Variants in SRSF10 observed in about 807,000 individuals in gnomAD.
The protein encoded by SRSF10 is serine and arginine rich splicing factor 10, also known as serine/arginine-rich splicing factor 10.
Under a neutral mutation model 32.6 loss-of-function variants are expected in SRSF10, and 9 were observed. The ratio of observed to expected loss-of-function variants is 0.28; its 90% confidence interval spans 0.17 to 0.48. SRSF10 has a LOEUF of 0.48. Ranked by LOEUF, SRSF10 falls within the 20% of genes least tolerant of loss-of-function variation. The pLI is 0.99. For synonymous variants in SRSF10, 105 were observed against 112.4 expected (o/e 0.93, Z 0.42); for missense variants, 201 against 331.8 (o/e 0.61, Z 3.06).
At chr1:23,974,859 A>G (rs1234841396) in intron 3 of SRSF10, 115 bp downstream of exon 3, 5 of 795,082 alleles carry the variant, frequency 6.3e-6, no homozygotes, top group East Asian at 2.5e-5. Context: ...GAAAGAAAGA[A>G]AAAAAAGATC....
chr1:23,965,818 A>G lies in SRSF10; in HGVS notation c.*5324T>C, dbSNP rs1021631924. 1 of 151,888 alleles carries G rather than the reference A, an allele frequency of 6.6e-6. No homozygotes were observed. The highest frequency in any genetic ancestry group is 1.5e-5 in the Non-Finnish European group (1 of 67,792). The allele number at this position is 151,888 out of a possible 1,614,324, so 9.4% of individuals were successfully genotyped here. A position where few individuals can be genotyped will look rare whatever the true frequency, so the allele number is the denominator to read the frequency against. ...TTTTTTTAAACAAAACCCCAACTCA[A>G]TATGCACCTTAATTCTCCCCCTTAA... On this transcript the variant is annotated 3_prime_UTR_variant, in exon 6 of 6. Transcript: ENST00000492112.
At chr1:23,975,158 C>T in intron 2 of SRSF10, 81 bp from the exon 3 acceptor site, 1 of 1,062,474 alleles carries the variant, frequency 9.4e-7, no homozygotes, top group Non-Finnish European at 1.5e-6. Context: ...TGGAACAATT[C>T]ACAATCTCCC....
intron 2 of SRSF10, chr1:23,977,416 T>G (rs1642157971): frequency 1.3e-5 from 2 of 152,282 alleles, no homozygotes; most frequent in African/African-American, 4.8e-5. Context: ...AACTGATCAT[T>G]GTGCTAAAGC....
intron 1 of SRSF10, among the ~76,000 whole-genome samples, chr1:23,979,674 T>C (rs1424263063): frequency 2.0e-5 from 3 of 152,010 alleles, no homozygotes; most frequent in Admixed American, 2.0e-4. Flanking sequence ...ATCTCAACGC[T>C]CCCTTTCTCC....
Position 23,971,342 on chromosome 1 carries a change from AACGT to A in SRSF10, c.585_588del (p.Arg196LeufsTer75). 6.2e-7 allele frequency: 1 copy of A among 1,612,894 alleles called. No individual in the cohort carries two copies. The highest frequency in any genetic ancestry group is 8.5e-7 in the Non-Finnish European group (1 of 1,179,914). On this transcript the variant is annotated frameshift_variant, in exon 6 of 6. Transcript: ENST00000492112. LOFTEE classifies it high-confidence loss of function. ...GTTTTGGTGTGAGATGCAGACCTAG[AACGT>A]GATTTAGCCTTCATTTCTTTCTTGG...
At chr1:23,972,890 G>A (rs1328184324) in intron 3 of SRSF10, among the ~76,000 whole-genome samples, 2 of 152,054 alleles carry the variant, frequency 1.3e-5, no homozygotes, top group African/African-American at 4.8e-5. Flanking sequence ...TACAGCATGC[G>A]CCACCACACC....
At chr1:23,978,168 T>C in intron 2 of SRSF10, 1 of 985,504 alleles carries the variant, frequency 1.0e-6, no homozygotes, top group Non-Finnish European at 1.2e-6. Context: ...GCCTGATCCT[T>C]AAGAGGTCTT....
chr1:23,978,363 C>A (rs1642210815), intron 2 of SRSF10: 3 of 940,524 alleles, frequency 3.2e-6, no homozygotes, highest in African/African-American at 1.8e-5. Context: ...TCAAGTGATT[C>A]AAATTAACAA....
In SRSF10 at chr1:23,966,093, T is replaced by C. The variant is rs1228515435; in HGVS notation, c.*5049A>G. 1 of 151,876 alleles carries C rather than the reference T, an allele frequency of 6.6e-6. No homozygotes were observed. The highest frequency in any genetic ancestry group is 6.6e-5 in the Admixed American group (1 of 15,244). 9.4% of individuals were successfully genotyped at this position (151,876 alleles called of 1,614,324 possible). On this transcript the variant is annotated 3_prime_UTR_variant, in exon 6 of 6. Coordinates refer to ENST00000492112, the MANE Select transcript of SRSF10 (RefSeq NM_054016.4). ...ATAAAGCTATAAAAACACTTCCCCA[T>C]TGGATTAAACAACAAACATGGTAAC... is the stretch of plus-strand genomic sequence containing the variant.
Position 23,970,930 on chromosome 1 carries a change from A to C in SRSF10, c.*212T>G. 2 of 1,262,118 alleles carry C rather than the reference A, an allele frequency of 1.6e-6. No individual in the cohort carries two copies. Among genetic ancestry groups the C allele is most frequent in the Non-Finnish European group, 2.0e-6 (2 of 1,004,420 alleles). The allele number at this position is 1,262,118 out of a possible 1,614,324, so 78.2% of individuals were successfully genotyped here. A position where few individuals can be genotyped will look rare whatever the true frequency, so the allele number is the denominator to read the frequency against. ...TACAAAAATATACAGAGACACCACA[A>C]ATTGGTAGCTGCCCATAACATTAAA... On this transcript the variant is annotated 3_prime_UTR_variant, in exon 6 of 6. Transcript: ENST00000492112.
intron 1 of SRSF10, chr1:23,979,057 G>GTTTTTTTTTT (rs71655401): frequency 2.2e-5 from 3 of 134,036 alleles, no homozygotes; most frequent in East Asian, 2.3e-4. Flanking sequence ...TATAAGCCTT[G>GTTTTTTTTTT]TTTTTTTTTT....
At position 23,968,989 on chromosome 1, in the gene SRSF10, T is replaced by G. The variant is rs1390754793; in HGVS notation, c.*2153A>C. On this transcript the variant is annotated 3_prime_UTR_variant, in exon 6 of 6. Transcript: ENST00000492112. ...AAGTTAGTTGTGCCTAGTGCAACAA[T>G]GATTTAAAATATTCCTAAATCTATA... The G allele has an allele frequency of 1.8e-6, 1 of 557,814 alleles. No homozygotes were observed. The highest frequency in any genetic ancestry group is 2.3e-6 in the Non-Finnish European group (1 of 439,662). 34.6% of individuals were successfully genotyped at this position (557,814 alleles called of 1,614,324 possible). A position where few individuals can be genotyped will look rare whatever the true frequency, so the allele number is the denominator to read the frequency against.
At chr1:23,976,147 A>T (rs903714635) in intron 2 of SRSF10, 1 of 152,196 alleles carries the variant, frequency 6.6e-6, no homozygotes, top group African/African-American at 2.4e-5. Flanking sequence ...TATCCCAAAA[A>T]TCCCCATTCT....
At position 23,970,700 on chromosome 1, in the gene SRSF10, C is replaced by G; in HGVS notation, c.*442G>C. 6 of 989,412 alleles carry G rather than the reference C, an allele frequency of 6.1e-6. No individual in the cohort carries two copies. Among genetic ancestry groups the G allele is most frequent in the Non-Finnish European group, 7.2e-6 (6 of 832,782 alleles). The allele number at this position is 989,412 out of a possible 1,614,324, so 61.3% of individuals were successfully genotyped here. On this transcript the variant is annotated 3_prime_UTR_variant, in exon 6 of 6. Coordinates refer to ENST00000492112, the MANE Select transcript of SRSF10 (RefSeq NM_054016.4). Reference sequence around the variant, plus strand: ...ACAAGACATAAAGGTCCACCCTGAACCTAAATGTGTCTGAGCAGTCAGTGT... The same window carrying G: ...ACAAGACATAAAGGTCCACCCTGAAGCTAAATGTGTCTGAGCAGTCAGTGT...
Position 23,970,915 on chromosome 1 carries a change from T to C in SRSF10, c.*227A>G, listed in dbSNP as rs1344925539. On this transcript the variant is annotated 3_prime_UTR_variant, in exon 6 of 6. Transcript: ENST00000492112. ...AAAAATGAGAATCTTTACAAAAATA[T>C]ACAGAGACACCACAAATTGGTAGCT... is the stretch of plus-strand genomic sequence containing the variant. 8.0e-7 allele frequency: 1 copy of C among 1,242,528 alleles called. No individual in the cohort carries two copies. The highest frequency in any genetic ancestry group is 1.6e-5 in the African/African-American group (1 of 64,416). The allele number at this position is 1,242,528 out of a possible 1,614,324, so 77.0% of individuals were successfully genotyped here. A position where few individuals can be genotyped will look rare whatever the true frequency, so the allele number is the denominator to read the frequency against.
chr1:23,978,592 A>G, intron 2 of SRSF10, 121 bp downstream of exon 2: 1 of 1,290,598 alleles, frequency 7.7e-7, no homozygotes, highest in East Asian at 2.5e-5. Context: ...ATTTTCAAAA[A>G]TTTGAAGACA....
chr1:23,977,934 T>C (rs1016932775), intron 2 of SRSF10: 12 of 985,260 alleles, frequency 1.2e-5, no homozygotes, highest in East Asian at 1.1e-4. Context: ...CCTTTAATCT[T>C]GGCCATCATT....
chr1:23,970,405 G>A lies in SRSF10; in HGVS notation c.*737C>T. 1 of 944,120 alleles carries A rather than the reference G, an allele frequency of 1.1e-6. No individual in the cohort carries two copies. The highest frequency in any genetic ancestry group is 1.2e-6 in the Non-Finnish European group (1 of 801,504). The allele number at this position is 944,120 out of a possible 1,614,324, so 58.5% of individuals were successfully genotyped here. On this transcript the variant is annotated 3_prime_UTR_variant, in exon 6 of 6. Transcript: ENST00000492112. ...AGACGGAGTCTCACTCTGTTGCCCA[G>A]GCTGGAGTGCAGTGGCGTGATTTTG... is the stretch of plus-strand genomic sequence containing the variant.
rs1641712803 is a variant in SRSF10 at position 23,970,809 on chromosome 1, G to C, written c.*333C>G. ...CTAGGTTAACAGTTCTACCAAATAT[G>C]AATATGAAAGTTTATTTTTAATGAG... On this transcript the variant is annotated 3_prime_UTR_variant, in exon 6 of 6. Transcript: ENST00000492112. 1.9e-6 allele frequency: 2 copies of C among 1,062,788 alleles called. No individual in the cohort carries two copies. Among genetic ancestry groups the C allele is most frequent in the African/African-American group, 3.4e-5 (2 of 59,064 alleles). 65.8% of individuals were successfully genotyped at this position (1,062,788 alleles called of 1,614,324 possible).
Sources: gnomAD v4.1 joint callset for allele counts (sites outside exome capture counted in the v4.1 genomes callset) on GRCh38, gnomAD v4.1.1 for gene constraint, MANE v1.5 for transcripts, NCBI Gene and HGNC (gene_info 2026-07-23, HGNC 2026-07-21) for gene names.